Variants in ATE1 observed in about 807,000 individuals in gnomAD.
The protein encoded by ATE1 is arginyltransferase 1, also known as arginyl-tRNA--protein transferase 1.
A neutral mutation model predicts 70.5 loss-of-function variants in ATE1; 36 were observed. The ratio of observed to expected loss-of-function variants is 0.51; its 90% confidence interval spans 0.39 to 0.67. The LOEUF (loss-of-function observed/expected upper bound fraction) is 0.67, where lower values mean the gene tolerates loss of function less well. Ranked by LOEUF, ATE1 falls within the 30% of genes least tolerant of loss-of-function variation. The pLI is 0.00. For missense variants in ATE1, 593 were observed against 629.5 expected, an observed-to-expected ratio of 0.94 and a Z score of 0.62; for synonymous variants, 232 against 219.3, an observed-to-expected ratio of 1.06 and a Z score of -0.51.
At chr10:121,892,173 T>C (rs150024832) in intron 7 of ATE1, among the ~76,000 whole-genome samples, 32 of 152,018 alleles carry the variant, frequency 2.1e-4, no homozygotes, top group Non-Finnish European at 3.5e-4. Context: ...CCACAGATAG[T>C]GCACTCTCTA....
intron 10 of ATE1, among the ~76,000 whole-genome samples, chr10:121,826,589 G>A (rs1016984875): frequency 1.3e-5 from 2 of 152,200 alleles, no homozygotes; most frequent in Admixed American, 6.5e-5. Flanking sequence ...ACAGGCATGA[G>A]CCACCGCACC....
intron 7 of ATE1, among the ~76,000 whole-genome samples, chr10:121,875,349 G>C (rs1235878026): frequency 7.5e-6 from 1 of 133,206 alleles, no homozygotes; most frequent in Non-Finnish European, 1.5e-5. Flanking sequence ...TTGTCCCCCA[G>C]GCTGGAGTGC....
chr10:121,750,814 T>C (rs1248513401), intron 11 of ATE1, among the ~76,000 whole-genome samples: 1 of 152,246 alleles, frequency 6.6e-6, no homozygotes, highest in African/African-American at 2.4e-5. Flanking sequence ...TGGCTGGAGA[T>C]AGCTGGACAA....
intron 3 of ATE1, among the ~76,000 whole-genome samples, chr10:121,918,928 T>C (rs1951768477): frequency 6.6e-6 from 1 of 151,946 alleles, no homozygotes; most frequent in Non-Finnish European, 1.5e-5. Flanking sequence ...AGCTAGAGGA[T>C]TGTAAAACGC....
At chr10:121,873,222 A>T (rs1334349405) in intron 7 of ATE1, among the ~76,000 whole-genome samples, 1 of 152,188 alleles carries the variant, frequency 6.6e-6, no homozygotes, top group Non-Finnish European at 1.5e-5. Context: ...TCTAAATGCC[A>T]ATTATTCTGT....
At chr10:121,760,521 T>C (rs1340238377) in intron 11 of ATE1, among the ~76,000 whole-genome samples, 3 of 152,150 alleles carry the variant, frequency 2.0e-5, no homozygotes, top group Non-Finnish European at 4.4e-5. Flanking sequence ...AACAGTACAA[T>C]TAGAAATAGA....
At chr10:121,898,801 A>T (rs760350640) in intron 7 of ATE1, 21 of 1,606,490 alleles carry the variant, frequency 1.3e-5, no homozygotes, top group Non-Finnish European at 1.7e-5. Context: ...ACTTCTTCCC[A>T]GACAACCTTA....
At position 121,919,952 on chromosome 10, in the gene ATE1, G is replaced by A. The variant is rs371713994; in HGVS notation, c.233+2397C>T. ...TTTTTGTCTACATCCCTTTGGGCAG[G>A]AGGCCAGCTCTCATCGACTTCTCAA... On this transcript the variant is annotated intron_variant, in intron 3 of 11. Transcript: ENST00000224652. 3.3e-5 allele frequency among the ~76,000 whole-genome samples: 5 copies of A among 152,158 alleles called. No individual in the cohort carries two copies. In the East Asian group the frequency reaches 7.7e-4, roughly 24 times the overall value.
At chr10:121,806,108 A>G (rs1947085022) in intron 10 of ATE1, among the ~76,000 whole-genome samples, 1 of 152,174 alleles carries the variant, frequency 6.6e-6, no homozygotes, top group Non-Finnish European at 1.5e-5. Flanking sequence ...ACTCTTCAAA[A>G]CTGTTGATGT....
intron 5 of ATE1, among the ~76,000 whole-genome samples, chr10:121,903,203 T>TAAA: frequency 1.3e-5 from 2 of 151,754 alleles, no homozygotes; most frequent in African/African-American, 4.8e-5. Context: ...TATCTTTTTT[T>TAAA]AAAAAAAAAC....
chr10:121,774,774 C>T (rs1405618020), intron 11 of ATE1, among the ~76,000 whole-genome samples: 4 of 152,096 alleles, frequency 2.6e-5, no homozygotes, highest in Non-Finnish European at 5.9e-5. Flanking sequence ...CTCTGCTGTT[C>T]GCTCAACAAA....
chr10:121,914,612 G>A (rs1247644070), intron 3 of ATE1, among the ~76,000 whole-genome samples: 1 of 152,058 alleles, frequency 6.6e-6, no homozygotes, highest in Non-Finnish European at 1.5e-5. Context: ...TCTAAAAATA[G>A]AAAGATCCCT....
At chr10:121,869,978 A>G (rs1949794271) in intron 8 of ATE1, 28 bp downstream of exon 8, 2 of 1,575,488 alleles carry the variant, frequency 1.3e-6, no homozygotes, top group Non-Finnish European at 1.7e-6. Flanking sequence ...TACCAATTCT[A>G]ATATTAAGGT....
At chr10:121,823,576 C>A (rs1947888278) in intron 10 of ATE1, among the ~76,000 whole-genome samples, 1 of 152,216 alleles carries the variant, frequency 6.6e-6, no homozygotes, top group Non-Finnish European at 1.5e-5. Context: ...GCAGCCAGAG[C>A]ATGGGCTATG....
intron 8 of ATE1, among the ~76,000 whole-genome samples, chr10:121,849,211 C>CAA: frequency 7.1e-6 from 1 of 140,834 alleles, no homozygotes; most frequent in South Asian, 2.3e-4. Flanking sequence ...AACTCCATCT[C>CAA]AAAAAAAAAA....
At chr10:121,859,239 G>C (rs1949374935) in intron 8 of ATE1, among the ~76,000 whole-genome samples, 1 of 151,866 alleles carries the variant, frequency 6.6e-6, no homozygotes, top group South Asian at 2.1e-4. Context: ...TGAAAGAAAA[G>C]TTATTATTTT....
intron 7 of ATE1, among the ~76,000 whole-genome samples, chr10:121,882,048 G>T (rs530668499): frequency 3.9e-5 from 6 of 152,020 alleles, no homozygotes; most frequent in Non-Finnish European, 1.5e-5. Flanking sequence ...CAGCCACCTC[G>T]GCCTCCCAAA....
intron 11 of ATE1, among the ~76,000 whole-genome samples, chr10:121,762,101 T>A (rs1223036852): frequency 1.3e-5 from 2 of 152,196 alleles, no homozygotes; most frequent in Non-Finnish European, 2.9e-5. Context: ...TACGTTTCTG[T>A]CTTCGTCACC....
At chr10:121,812,669 C>G (rs1397576874) in intron 10 of ATE1, among the ~76,000 whole-genome samples, 1 of 152,150 alleles carries the variant, frequency 6.6e-6, no homozygotes, top group Non-Finnish European at 1.5e-5. Context: ...AGAACATAGA[C>G]ATTTTCTGAT....
Sources: allele counts gnomAD v4.1 joint callset (sites outside exome capture counted in the v4.1 genomes callset), GRCh38; gene constraint gnomAD v4.1.1; transcripts MANE v1.5; gene names NCBI Gene and HGNC (gene_info 2026-07-23, HGNC 2026-07-21).